SMTN: variants seen among roughly 807,000 people sequenced by gnomAD.
SMTN encodes smoothelin.
SMTN carries 58 observed loss-of-function variants against 102.0 expected under a neutral mutation model. The ratio of observed to expected loss-of-function variants is 0.57; its 90% CI spans 0.46 to 0.71. SMTN has a LOEUF of 0.71. Among genes scored for constraint, SMTN ranks in the 30% least tolerant of loss-of-function variants. The pLI is 0.00. For missense variants in SMTN, 1,185 were observed against 1,241.7 expected (o/e 0.95, Z 0.69); for synonymous variants, 478 against 497.9 (o/e 0.96, Z 0.53).
At chr22:31,084,885 C>A in intron 2 of SMTN, 2 of 1,151,586 alleles carry the variant, frequency 1.7e-6, no homozygotes. Flanking sequence ...CGCGCCGGCC[C>A]GGCCCCCGCT....
chr22:31,099,225 A>G, intron 18 of SMTN, 46 bp downstream of exon 18: 1 of 1,218,638 alleles, frequency 8.2e-7, no homozygotes, highest in South Asian at 1.2e-5. Flanking sequence ...CCCAGACCCC[A>G]GCTCAACACC....
intron 1 of SMTN, among the ~76,000 whole-genome samples, chr22:31,075,398 T>C (rs964135933): frequency 5.3e-5 from 8 of 152,146 alleles, no homozygotes; most frequent in Non-Finnish European, 1.0e-4. Flanking sequence ...GGGCTAAGAA[T>C]AGTCTTAGCC....
At chr22:31,083,774 C>T (rs560858184) in intron 2 of SMTN, among the ~76,000 whole-genome samples, 2 of 152,306 alleles carry the variant, frequency 1.3e-5, no homozygotes, top group African/African-American at 2.4e-5. Flanking sequence ...CTGGGCACTG[C>T]GACTCAAGAG....
intron 19 of SMTN, 42 bp from the exon 20 acceptor site, chr22:31,100,843 G>GCCCC (rs768785026): frequency 1.4e-6 from 1 of 723,136 alleles, no homozygotes; most frequent in Non-Finnish European, 2.3e-6. Context: ...CTGGCCTCCT[G>GCCCC]CCCCCGTCCC....
chr22:31,089,045 C>CCCAG, intron 6 of SMTN, 76 bp downstream of exon 6: 1 of 1,217,802 alleles, frequency 8.2e-7, no homozygotes. Context: ...AGTGTCTTTG[C>CCCAG]TAGGCTGGTA....
rs567023188 is a variant in SMTN at position 31,085,883 on chromosome 22, G to A, written c.52-2082G>A. Among the ~76,000 whole-genome samples, 4 of 152,358 alleles carry A rather than the reference G, an allele frequency of 2.6e-5. No individual in the cohort carries two copies. The South Asian group carries it at 6.2e-4, about 24-fold the overall frequency. ...AGATGGGGACACTGAAGCTCCGGGG[G>A]TTGTGCTGTAGAGGTGGCCAAGTTC... On this transcript the variant is annotated intron_variant, in intron 2 of 20. Coordinates refer to ENST00000333137, the MANE Select transcript of SMTN (RefSeq NM_134269.3).
In SMTN at chr22:31,096,812, T is replaced by C. The variant is rs761577900; in HGVS notation, c.1941T>C (p.Thr647=). 3 of 1,575,598 alleles carry C rather than the reference T, an allele frequency of 1.9e-6. No individual in the cohort carries two copies. Among genetic ancestry groups the C allele is most frequent in the Non-Finnish European group, 2.6e-6 (3 of 1,160,822 alleles). ...RPGEGRGNTA[T]ETTTRHSQRA... ...GGGAGGGGCGCGGCAACACAGCCAC[T>C]GAGACCACCACGAGGCACAGCCAGC... Residue 647 remains threonine, a synonymous_variant, in exon 14 of 21, where the codon ACT becomes ACC. Transcript: ENST00000333137.
rs1172730137 is a variant in SMTN at position 31,091,727 on chromosome 22, G to A, written c.1512G>A (p.Gly504=). 3 of 1,612,526 alleles carry A rather than the reference G, an allele frequency of 1.9e-6. No individual in the cohort carries two copies. The Admixed American group carries it at 5.0e-5, about 27-fold the overall frequency. ...APPTLLSTSS[G]GKSTITRVNS... ...CGACCCTACTCAGCACCAGTAGTGG[G>A]GGCAAGAGCACCATCACCCGTGTCA... Residue 504 remains glycine (G), a synonymous_variant, in exon 11 of 21, where the codon GGG becomes GGA. Transcript: ENST00000333137.
rs750084959 is a variant in SMTN at position 31,091,215 on chromosome 22, C to G, written c.1192C>G (p.Arg398Gly). Residue 398 changes from arginine (R) to glycine (G), a missense_variant, in exon 10 of 21, where the codon CGA becomes GGA. Around this residue, in one of 2 missense-constraint regions of SMTN, gnomAD observed 1,096 missense variants for 1,112.7 expected, o/e 0.98. Transcript: ENST00000333137. ...DTSSRFSKEQ[R>G]GVAQPLAQLR... Reference sequence around the variant, plus strand: ...CTCCTCCCGGTTCAGCAAGGAGCAACGAGGAGTAGCCCAGCCCCTGGCCCA... The same window carrying G: ...CTCCTCCCGGTTCAGCAAGGAGCAAGGAGGAGTAGCCCAGCCCCTGGCCCA... 3.1e-6 allele frequency: 5 copies of G among 1,611,704 alleles called. No individual in the cohort carries two copies. Among genetic ancestry groups the G allele is most frequent in the East Asian group, 4.5e-5 (2 of 44,784 alleles).
intron 20 of SMTN, 105 bp from the exon 21 acceptor site, chr22:31,104,211 G>T: frequency 7.4e-7 from 1 of 1,343,068 alleles, no homozygotes. Flanking sequence ...TGGAGTTTAT[G>T]AAAGACCAGC....
At chr22:31,070,409 C>G (rs2041968496) in intron 1 of SMTN, among the ~76,000 whole-genome samples, 1 of 152,134 alleles carries the variant, frequency 6.6e-6, no homozygotes, top group South Asian at 2.1e-4. Context: ...ACCCTTCATA[C>G]TTCACTCACG....
intron 1 of SMTN, chr22:31,082,586 T>C (rs989669000): frequency 9.2e-6 from 5 of 543,002 alleles, no homozygotes; most frequent in African/African-American, 5.7e-5. Context: ...TTGAATTCTG[T>C]ATGAATTGGC....
chr22:31,094,113 C>T (rs1396097634), intron 11 of SMTN, among the ~76,000 whole-genome samples: 1 of 152,242 alleles, frequency 6.6e-6, no homozygotes, highest in South Asian at 2.1e-4. Context: ...CTCCCTGCCG[C>T]CCTGCACCCT....
Position 31,091,385 on chromosome 22 carries a change from G to A in SMTN, c.1362G>A (p.Gly454=). 1 of 1,599,052 alleles carries A rather than the reference G, an allele frequency of 6.3e-7. No homozygotes were observed. The highest frequency in any genetic ancestry group is 8.5e-7 in the Non-Finnish European group (1 of 1,176,072). ...LPVAVGTAEP[G]GSMKTTFTIE... ...TGGCCGTCGGCACTGCCGAGCCAGGGGGCAGTATGAAGACCACATTCACCA... is the reference window on the plus strand; with the variant it reads ...TGGCCGTCGGCACTGCCGAGCCAGGAGGCAGTATGAAGACCACATTCACCA... Residue 454 remains glycine (G), a synonymous_variant, in exon 10 of 21, where the codon GGG becomes GGA. Coordinates refer to ENST00000333137, the MANE Select transcript of SMTN (RefSeq NM_134269.3).
upstream of SMTN, chr22:31,080,496 G>A (rs2042248548): frequency 6.6e-6 from 1 of 152,170 alleles, no homozygotes. Context: ...AGTCTCCATG[G>A]AGACCCAAGG....
intron 1 of SMTN, chr22:31,066,031 C>T (rs1301889470): frequency 1.3e-5 from 2 of 152,194 alleles, no homozygotes; most frequent in Non-Finnish European, 2.9e-5. Context: ...TGTCTGTCCT[C>T]CCTGGTCTAA....
In SMTN at chr22:31,099,798, TG is replaced by T; in HGVS notation, c.2506del (p.Ala836ProfsTer75). On this transcript the variant is annotated frameshift_variant, in exon 19 of 21. Coordinates refer to ENST00000333137, the MANE Select transcript of SMTN (RefSeq NM_134269.3). LOFTEE classifies it high-confidence loss of function. Reference protein sequence around the residue: ...SSWSDGMAFCALVHNFFPEAF... With the variant: ...SSWSDGMAFCXLVHNFFPEAF... ...GCTGGAGTGATGGGATGGCCTTCTG[TG>T]CCCTGGTGCACAACTTCTTCCCTGA... is the stretch of plus-strand genomic sequence containing the variant. The T allele has an allele frequency of 6.2e-7, 1 of 1,614,104 alleles. No homozygotes were observed. Among genetic ancestry groups the T allele is most frequent in the Non-Finnish European group, 8.5e-7 (1 of 1,179,958 alleles).
Position 31,095,927 on chromosome 22 carries a change from C to T in SMTN, c.1861+318C>T. The T allele has an allele frequency of 2.3e-6, 1 of 432,898 alleles. No individual in the cohort carries two copies. Among genetic ancestry groups the T allele is most frequent in the South Asian group, 2.4e-5 (1 of 41,828 alleles). 26.8% of individuals were successfully genotyped at this position (432,898 alleles called of 1,614,324 possible). On this transcript the variant is annotated intron_variant, in intron 13 of 20. Transcript: ENST00000333137. This position sits in a 1 kb window ranked among gnomAD's most constrained non-coding sequence, Gnocchi z 4.1. Reference sequence around the variant, plus strand: ...TCAAAGTACTGTCAACGACTCCTTCCCTGAATCCAGATACTCCTTCTCCCT... The same window carrying T: ...TCAAAGTACTGTCAACGACTCCTTCTCTGAATCCAGATACTCCTTCTCCCT...
At chr22:31,093,264 G>A in intron 11 of SMTN, 1 of 290,234 alleles carries the variant, frequency 3.4e-6, no homozygotes. Flanking sequence ...GAGGAGCCCA[G>A]AATAGGTTTC....
Sources: allele counts gnomAD v4.1 joint callset (sites outside exome capture counted in the v4.1 genomes callset), GRCh38; gene constraint gnomAD v4.1.1; regional missense constraint gnomAD v4.1.1; non-coding constraint Gnocchi (gnomAD v3.1); transcripts MANE v1.5; gene names NCBI Gene and HGNC (gene_info 2026-07-23, HGNC 2026-07-21).